Variants in UFSP2 observed in about 807,000 individuals in gnomAD.
The protein encoded by UFSP2 is ufm1-specific protease 2.
Under a neutral mutation model 60.2 loss-of-function variants are expected in UFSP2, and 43 were observed. The ratio of observed to expected loss-of-function variants is 0.71; its 90% confidence interval spans 0.56 to 0.92. UFSP2 has a LOEUF of 0.92. UFSP2 is among the 40% of genes least tolerant of loss of function. UFSP2 has a pLI of 0.00. For synonymous variants in UFSP2, 183 were observed against 195.1 expected (o/e 0.94, Z 0.52); for missense variants, 520 against 575.0 (o/e 0.90, Z 0.98).
At chr4:185,411,752 T>C (rs894423316) in intron 7 of UFSP2, among the ~76,000 whole-genome samples, 4 of 152,206 alleles carry the variant, frequency 2.6e-5, no homozygotes, top group African/African-American at 9.6e-5. Context: ...GGAATGTTCA[T>C]TGTCTAAACA....
intron 9 of UFSP2, among the ~76,000 whole-genome samples, chr4:185,406,676 A>G (rs927045710): frequency 6.6e-6 from 1 of 152,038 alleles, no homozygotes; most frequent in South Asian, 2.1e-4. Flanking sequence ...CTCAGGTTCA[A>G]GCGATTCTCC....
intron 7 of UFSP2, among the ~76,000 whole-genome samples, chr4:185,409,037 T>C (rs561987655): frequency 2.2e-4 from 33 of 152,306 alleles, no homozygotes; most frequent in African/African-American, 7.7e-4. Context: ...AGTGAGTACA[T>C]ACACTGTGTC....
At chr4:185,424,500 C>T (rs2095555459) in intron 1 of UFSP2, among the ~76,000 whole-genome samples, 1 of 152,112 alleles carries the variant, frequency 6.6e-6, no homozygotes, top group Non-Finnish European at 1.5e-5. Flanking sequence ...AGATCATATA[C>T]CCTTTGTCCC....
intron 11 of UFSP2, among the ~76,000 whole-genome samples, chr4:185,400,787 T>C (rs2095512362): frequency 6.6e-6 from 1 of 152,242 alleles, no homozygotes; most frequent in Admixed American, 6.5e-5. Context: ...TTGCAACTGA[T>C]AGCATGTGAC....
At chr4:185,416,297 T>C (rs578125051) in intron 4 of UFSP2, among the ~76,000 whole-genome samples, 14 of 152,334 alleles carry the variant, frequency 9.2e-5, no homozygotes, top group African/African-American at 3.4e-4. Flanking sequence ...CTCTCCACTT[T>C]TGTACTGATT....
In UFSP2 at chr4:185,400,173, TTTAC is replaced by T. The variant is rs2095511599; in HGVS notation, c.*215_*218del. ...GAAGATCCATTTAAGAACACATGTA[TTTAC>T]ATGCCTATAATATGCTGGTTGTGTA... On this transcript the variant is annotated 3_prime_UTR_variant, in exon 12 of 12. Coordinates refer to ENST00000264689, the MANE Select transcript of UFSP2 (RefSeq NM_018359.5). 1.3e-6 allele frequency: 1 copy of T among 749,296 alleles called. No individual in the cohort carries two copies. The highest frequency in any genetic ancestry group is 1.9e-5 in the South Asian group (1 of 53,212). 46.4% of individuals were successfully genotyped at this position (749,296 alleles called of 1,614,324 possible).
chr4:185,399,562 G>GT lies in UFSP2; in HGVS notation c.*829dup. On this transcript the variant is annotated 3_prime_UTR_variant, in exon 12 of 12. Transcript: ENST00000264689. ...TTTCATTTCACTCCGTTTTTATCCT[G>GT]TTTTCAGTTTATGTAATAAGAACGG... 6.2e-7 allele frequency: 1 copy of GT among 1,613,898 alleles called. No homozygotes were observed. The highest frequency in any genetic ancestry group is 1.1e-5 in the South Asian group (1 of 91,064).
chr4:185,412,752 A>G (rs2095531605), intron 7 of UFSP2, among the ~76,000 whole-genome samples: 1 of 152,184 alleles, frequency 6.6e-6, no homozygotes, highest in Non-Finnish European at 1.5e-5. Flanking sequence ...AATGCCACCA[A>G]GGTATCCACG....
Position 185,415,814 on chromosome 4 carries a change from A to G in UFSP2, c.387T>C (p.Ala129=). The change falls in exon 5 of 12, where the codon GCT becomes GCC. Residue 129 remains alanine (A), a synonymous_variant. Transcript: ENST00000264689. ...TTTCCCTTTCAATGATGGGCGTTAC[A>G]GCTGCCAGGGAGGTTGACATTTCCA... The part of the protein sequence containing the change: ...LMLEMSTSLA[A]VTPIIERESG... The G allele has an allele frequency of 6.2e-7, 1 of 1,613,776 alleles. No individual in the cohort carries two copies. Among genetic ancestry groups the G allele is most frequent in the Non-Finnish European group, 8.5e-7 (1 of 1,179,708 alleles).
chr4:185,405,514 CTTT>C (rs1299626686), intron 10 of UFSP2, among the ~76,000 whole-genome samples: 2 of 152,216 alleles, frequency 1.3e-5, no homozygotes, highest in African/African-American at 4.8e-5. Context: ...ACCGTTTCCT[CTTT>C]TTAATACTGT....
At chr4:185,422,586 C>T in intron 1 of UFSP2, 23 bp from the exon 2 acceptor site, 3 of 1,520,064 alleles carry the variant, frequency 2.0e-6, no homozygotes, top group South Asian at 2.4e-5. Flanking sequence ...AAGATAAAGA[C>T]AAACTCCCTT....
At chr4:185,422,877 G>A (rs1056535220) in intron 1 of UFSP2, among the ~76,000 whole-genome samples, 2 of 125,486 alleles carry the variant, frequency 1.6e-5, no homozygotes, top group Non-Finnish European at 3.3e-5. Context: ...TTTTTTGTTT[G>A]GAGACAGGGT....
chr4:185,401,607 G>C (rs961923608), intron 11 of UFSP2, among the ~76,000 whole-genome samples: 1 of 152,170 alleles, frequency 6.6e-6, no homozygotes, highest in African/African-American at 2.4e-5. Context: ...AAAGAGGTCA[G>C]GCAGAGATGG....
At position 185,418,638 on chromosome 4, in the gene UFSP2, G is replaced by A. The variant is rs752481655; in HGVS notation, c.215C>T (p.Pro72Leu). The change falls in exon 3 of 12, where the codon CCT becomes CTT. Residue 72 changes from proline to leucine, a missense_variant. Physicochemically the swap from Pro to Leu is moderately conservative, Grantham distance 98. Coordinates refer to ENST00000264689, the MANE Select transcript of UFSP2 (RefSeq NM_018359.5). ...IWPSSDINTI[P>L]GELTDASACK... The stretch of plus-strand genomic sequence containing the variant: ...AGCAGAAGCATCAGTCAGTTCTCCA[G>A]GAATGGTGTTTATGTCACTGCTAGG... The A allele has an allele frequency of 1.9e-6, 3 of 1,613,858 alleles. No homozygotes were observed. The highest frequency in any genetic ancestry group is 2.5e-6 in the Non-Finnish European group (3 of 1,179,960).
At position 185,403,572 on chromosome 4, in the gene UFSP2, C is replaced by T; in HGVS notation, c.1245G>A (p.Glu415=). The T allele has an allele frequency of 6.2e-7, 1 of 1,614,136 alleles. No homozygotes were observed. The highest frequency in any genetic ancestry group is 8.5e-7 in the Non-Finnish European group (1 of 1,180,012). Residue 415 remains glutamate, a synonymous_variant, in exon 11 of 12, where the codon GAG becomes GAA. Coordinates refer to ENST00000264689, the MANE Select transcript of UFSP2 (RefSeq NM_018359.5). ...TCAGAAACTTTATCTGCCCTGTAAT[C>T]TCATTCCATGCAACTCCTAGTATTG... ...AHTILGVAWN[E]ITGQIKFLIL... is the part of the protein sequence containing the mutation.
At chr4:185,416,534 G>T (rs2095538998) in intron 4 of UFSP2, among the ~76,000 whole-genome samples, 1 of 152,168 alleles carries the variant, frequency 6.6e-6, no homozygotes, top group Admixed American at 6.5e-5. Context: ...ACTGGGAAAA[G>T]GTCAAGCACT....
rs73873442 is a variant in UFSP2, at chr4:185,405,868, C to T, written c.1122-12G>A. The stretch of plus-strand genomic sequence containing the variant: ...TTTCTGAACCTTGGCTAGAAAGAAA[C>T]CATTTTCTATCAGATGAACTACTTC... On this transcript the variant is annotated splice_polypyrimidine_tract_variant and intron_variant, in intron 9 of 11. Coordinates refer to ENST00000264689, the MANE Select transcript of UFSP2 (RefSeq NM_018359.5). 313 of 1,613,952 alleles carry T rather than the reference C, an allele frequency of 1.9e-4. 3 individuals are homozygous for T. The African/African-American group carries it at 3.5e-3, about 18-fold the overall frequency.
chr4:185,418,493 T>A lies in UFSP2; in HGVS notation c.281A>T (p.Glu94Val). ...ILRFIQFEPE[E>V]DIKRKFMRKK... The stretch of plus-strand genomic sequence containing the variant: ...TCTCATGAATTTTCTTTTTATATCT[T>A]CTTCTGGCTCAAATCTAAATTTTTA... Residue 94 changes from glutamate to valine, a missense_variant, in exon 4 of 12, where the codon GAA (glutamate) becomes GTA (valine). Physicochemically the swap from Glu to Val is moderately radical, Grantham distance 121. Coordinates refer to ENST00000264689, the MANE Select transcript of UFSP2 (RefSeq NM_018359.5). 1.2e-6 allele frequency: 2 copies of A among 1,612,212 alleles called. No homozygotes were observed. The highest frequency in any genetic ancestry group is 1.7e-6 in the Non-Finnish European group (2 of 1,179,056).
intron 7 of UFSP2, among the ~76,000 whole-genome samples, chr4:185,413,347 C>T (rs1184817640): frequency 1.3e-5 from 2 of 152,082 alleles, no homozygotes; most frequent in African/African-American, 4.8e-5. Context: ...GAGATCACAC[C>T]ATTGCACTAC....
Sources: gnomAD v4.1 joint callset for allele counts (sites outside exome capture counted in the v4.1 genomes callset) on GRCh38, gnomAD v4.1.1 for gene constraint, MANE v1.5 for transcripts, NCBI Gene and HGNC (gene_info 2026-07-23, HGNC 2026-07-21) for gene names.